Variants in AKAP7 observed in about 807,000 individuals in gnomAD.
AKAP7 encodes the protein A kinase (PRKA) anchor protein 7.
In AKAP7, 39 loss-of-function variants were observed where a neutral mutation model predicts 39.5. The observed-to-expected ratio is 0.99, with a 90% CI of 0.76 to 1.29. The LOEUF (loss-of-function observed/expected upper bound fraction) is 1.29. Ranked by LOEUF, AKAP7 falls within the 50% of genes most tolerant of loss-of-function variation. The pLI is 0.00. For synonymous variants in AKAP7, 140 were observed against 139.1 expected (o/e 1.01, Z -0.05); for missense variants, 414 against 407.7 (o/e 1.02, Z -0.13).
At chr6:131,209,962 C>T (rs1177091630) in intron 6 of AKAP7, among the ~76,000 whole-genome samples, 1 of 152,168 alleles carries the variant, frequency 6.6e-6, no homozygotes, top group Non-Finnish European at 1.5e-5. Flanking sequence ...TACTGACCCA[C>T]TCAAATGGTC....
intron 6 of AKAP7, among the ~76,000 whole-genome samples, chr6:131,202,371 C>A (rs1027409212): frequency 1.7e-4 from 25 of 144,858 alleles, no homozygotes; most frequent in Non-Finnish European, 3.8e-4. Flanking sequence ...AAATGTCCAA[C>A]AATGATAGAC....
chr6:131,281,992 G>A lies in AKAP7; in HGVS notation c.*266G>A. ...GCCCTCAGCCACGCACAAGGGAAAGGGAACTTTGGGTTATGCCTCCTGGAC... is the reference window on the plus strand; with the variant it reads ...GCCCTCAGCCACGCACAAGGGAAAGAGAACTTTGGGTTATGCCTCCTGGAC... On this transcript the variant is annotated 3_prime_UTR_variant, in exon 8 of 8. Transcript: ENST00000431975. The surrounding 1 kb of genome is among the most constrained non-coding windows in gnomAD (Gnocchi z 4.0). 8.5e-7 allele frequency: 1 copy of A among 1,179,832 alleles called. No homozygotes were observed. Among genetic ancestry groups the A allele is most frequent in the Non-Finnish European group, 1.0e-6 (1 of 956,204 alleles). 73.1% of individuals were successfully genotyped at this position (1,179,832 alleles called of 1,614,324 possible). A position where few individuals can be genotyped will look rare whatever the true frequency, so the allele number is the denominator to read the frequency against.
intron 7 of AKAP7, among the ~76,000 whole-genome samples, chr6:131,239,802 A>G (rs1259976535): frequency 6.6e-6 from 1 of 152,138 alleles, no homozygotes; most frequent in Non-Finnish European, 1.5e-5. Flanking sequence ...CTAGTTAGCC[A>G]TTCGTCTAAT....
chr6:131,175,892 C>G (rs1446450405), intron 5 of AKAP7, among the ~76,000 whole-genome samples: 7 of 152,156 alleles, frequency 4.6e-5, no homozygotes, highest in Admixed American at 4.6e-4. Context: ...CCACAACTAT[C>G]CACTTCTTCA....
At chr6:131,164,423 G>T in intron 3 of AKAP7, 2 of 455,820 alleles carry the variant, frequency 4.4e-6, no homozygotes, top group South Asian at 3.1e-5. Flanking sequence ...GAGAGGAAGG[G>T]AGATGGTGGA....
At chr6:131,150,238 C>A (rs1801806324) in intron 2 of AKAP7, among the ~76,000 whole-genome samples, 2 of 152,154 alleles carry the variant, frequency 1.3e-5, no homozygotes, top group South Asian at 4.1e-4. Context: ...TTACCTCACA[C>A]AGAATTCTAC....
chr6:131,187,134 A>AT (rs899906680), intron 5 of AKAP7, among the ~76,000 whole-genome samples: 9 of 152,096 alleles, frequency 5.9e-5, no homozygotes, highest in South Asian at 4.2e-4. Context: ...TTTAGGATGG[A>AT]TTTTTTTTAA....
intron 6 of AKAP7, 81 bp downstream of exon 6, chr6:131,199,654 C>A: frequency 8.9e-7 from 1 of 1,124,646 alleles, no homozygotes; most frequent in Non-Finnish European, 1.3e-6. Context: ...AGTGACATTG[C>A]TGTGGTCTCT....
chr6:131,237,914 G>T (rs921240041), intron 7 of AKAP7, among the ~76,000 whole-genome samples: 30 of 152,070 alleles, frequency 2.0e-4, no homozygotes, highest in African/African-American at 7.2e-4. Flanking sequence ...CTTCAGTTCT[G>T]CTCTGATCTT....
intron 7 of AKAP7, among the ~76,000 whole-genome samples, chr6:131,229,697 T>A (rs1007620000): frequency 6.6e-6 from 1 of 152,194 alleles, no homozygotes; most frequent in Non-Finnish European, 1.5e-5. Context: ...CTGTGAGGTA[T>A]AACTTATATG....
chr6:131,212,363 A>C (rs138193932), intron 6 of AKAP7, among the ~76,000 whole-genome samples: 15 of 152,326 alleles, frequency 9.8e-5, no homozygotes, highest in African/African-American at 3.6e-4. Flanking sequence ...TCATTTTAAA[A>C]TTGGTTTAAG....
chr6:131,164,900 C>T (rs551996560), intron 3 of AKAP7, among the ~76,000 whole-genome samples, 181 bp from the exon 4 acceptor site: 1 of 152,168 alleles, frequency 6.6e-6, no homozygotes, highest in Non-Finnish European at 1.5e-5. Context: ...TTTAAGCTGT[C>T]CCAGTCAACT....
At chr6:131,267,758 A>C (rs1160218061) in intron 7 of AKAP7, among the ~76,000 whole-genome samples, 2 of 151,940 alleles carry the variant, frequency 1.3e-5, no homozygotes, top group Non-Finnish European at 2.9e-5. Flanking sequence ...CCTGCAATTC[A>C]CTTTTTGAAA....
At chr6:131,161,943 A>T (rs1803008708) in intron 3 of AKAP7, among the ~76,000 whole-genome samples, 1 of 152,120 alleles carries the variant, frequency 6.6e-6, no homozygotes, top group South Asian at 2.1e-4. Context: ...TTGTGATTGG[A>T]AGAGAATCCA....
chr6:131,166,849 A>G (rs1416150708), intron 4 of AKAP7, among the ~76,000 whole-genome samples: 2 of 152,142 alleles, frequency 1.3e-5, no homozygotes, highest in South Asian at 2.1e-4. Context: ...TAGATTGTCC[A>G]TTTCTTGTCC....
At position 131,135,635 on chromosome 6, in the gene AKAP7, C is replaced by A. The variant is rs1190161461; in HGVS notation, c.-129C>A. On this transcript the variant is annotated 5_prime_UTR_variant, in exon 1 of 8. Transcript: ENST00000431975. ...AGCCTGTCGCTGGACCCCGCGCCGG[C>A]CCAGCGCACCGCCCTCAGGCCCCGA... 7 of 844,708 alleles carry A rather than the reference C, an allele frequency of 8.3e-6. No homozygotes were observed. In the African/African-American group the frequency reaches 1.3e-4, roughly 16 times the overall value. 52.3% of individuals were successfully genotyped at this position (844,708 alleles called of 1,614,324 possible).
chr6:131,214,321 C>G (rs1276819679), intron 6 of AKAP7, among the ~76,000 whole-genome samples: 1 of 152,152 alleles, frequency 6.6e-6, no homozygotes. Flanking sequence ...GGTAGAGTTT[C>G]TGCTTTTTCT....
chr6:131,138,872 A>G (rs986729479), intron 1 of AKAP7, among the ~76,000 whole-genome samples: 2 of 144,404 alleles, frequency 1.4e-5, no homozygotes, highest in Non-Finnish European at 3.2e-5. Flanking sequence ...TAGTAGTAAC[A>G]GACATATTAA....
At chr6:131,241,214 A>G (rs1282531980) in intron 7 of AKAP7, among the ~76,000 whole-genome samples, 1 of 152,226 alleles carries the variant, frequency 6.6e-6, no homozygotes. Context: ...AGCAAGACCA[A>G]TAAGTAGGCA....
Sources: allele counts gnomAD v4.1 joint callset (sites outside exome capture counted in the v4.1 genomes callset), GRCh38; gene constraint gnomAD v4.1.1; non-coding constraint Gnocchi (gnomAD v3.1); transcripts MANE v1.5; gene names NCBI Gene and HGNC (gene_info 2026-07-23, HGNC 2026-07-21).